Variants in ASIC2 observed in about 807,000 individuals in gnomAD.
ASIC2 encodes the protein acid sensing ion channel subunit 2.
Under a neutral mutation model 57.3 loss-of-function variants are expected in ASIC2, and 25 were observed. The observed-to-expected ratio is 0.44, with a 90% CI of 0.32 to 0.61. ASIC2 has a LOEUF of 0.61. Ranked by LOEUF, ASIC2 falls within the 20% of genes least tolerant of loss-of-function variation. ASIC2 has a pLI of 0.06. For synonymous variants in ASIC2, 319 were observed against 307.5 expected (o/e 1.04, Z -0.39); for missense variants, 641 against 738.1 (o/e 0.87, Z 1.52).
At chr17:33,390,185 C>T (rs960718105) in intron 1 of ASIC2, among the ~76,000 whole-genome samples, 92 of 152,044 alleles carry the variant, frequency 6.1e-4, no homozygotes, top group African/African-American at 1.9e-3. Context: ...TGGTGGCACA[C>T]GCCTGTAATC....
At chr17:34,021,250 A>T (rs533017758) in intron 1 of ASIC2, among the ~76,000 whole-genome samples, 12 of 151,740 alleles carry the variant, frequency 7.9e-5, no homozygotes, top group African/African-American at 2.9e-4. Flanking sequence ...AATAACAAAC[A>T]AATTAAAAAA....
chr17:33,214,382 C>T (rs1029706658), intron 1 of ASIC2, among the ~76,000 whole-genome samples: 14 of 152,188 alleles, frequency 9.2e-5, no homozygotes, highest in African/African-American at 2.4e-5. Flanking sequence ...GCCTCCTGGG[C>T]TGACTTCTAA....
intron 1 of ASIC2, among the ~76,000 whole-genome samples, chr17:33,163,869 G>A (rs1302901923): frequency 6.6e-6 from 1 of 152,154 alleles, no homozygotes; most frequent in Non-Finnish European, 1.5e-5. Flanking sequence ...TGAGAAGCCG[G>A]CATTTGAGTA....
intron 1 of ASIC2, chr17:33,291,194 C>T (rs1251593836): frequency 2.8e-6 from 3 of 1,060,696 alleles, no homozygotes; most frequent in Non-Finnish European, 3.8e-6. Context: ...GGAGCTCCCA[C>T]TGGTGGGAGG....
intron 1 of ASIC2, among the ~76,000 whole-genome samples, chr17:33,454,635 TG>T (rs1426642520): frequency 3.3e-5 from 5 of 152,236 alleles, no homozygotes; most frequent in Non-Finnish European, 7.3e-5. Flanking sequence ...ATATAGCAAT[TG>T]TCTCAGTCCA....
At chr17:33,506,637 G>A (rs1914272833) in intron 1 of ASIC2, among the ~76,000 whole-genome samples, 1 of 152,158 alleles carries the variant, frequency 6.6e-6, no homozygotes, top group South Asian at 2.1e-4. Context: ...GAAGAATCAG[G>A]CTTTTAGAAT....
intron 1 of ASIC2, chr17:34,071,465 G>C (rs996086688): frequency 2.6e-5 from 4 of 151,960 alleles, no homozygotes; most frequent in African/African-American, 4.8e-5. Context: ...CCGATGATCA[G>C]AGAAAAAAAT....
intron 1 of ASIC2, among the ~76,000 whole-genome samples, chr17:33,596,629 C>T (rs1196566346): frequency 5.3e-5 from 8 of 152,154 alleles, no homozygotes; most frequent in Non-Finnish European, 1.5e-5. Flanking sequence ...ACCCTCCCAA[C>T]CCCCAGGAGA....
chr17:33,958,243 G>A lies in ASIC2; in HGVS notation c.555+197735C>T, dbSNP rs571849694. 7.9e-5 allele frequency among the ~76,000 whole-genome samples: 12 copies of A among 152,232 alleles called. No individual in the cohort carries two copies. The South Asian group carries it at 2.1e-3, about 26-fold the overall frequency. ...GCACGATGCAAGCTGTAAGTGGATC[G>A]ACCATTCTGGAGGGGTCTGGGGTCT... On this transcript the variant is annotated intron_variant, in intron 1 of 9. Transcript: ENST00000359872.
At chr17:33,120,846 G>A (rs2092299638) in intron 1 of ASIC2, among the ~76,000 whole-genome samples, 1 of 152,186 alleles carries the variant, frequency 6.6e-6, no homozygotes, top group Non-Finnish European at 1.5e-5. Flanking sequence ...CTGGTAGCTG[G>A]TGTACAGAAG....
intron 1 of ASIC2, among the ~76,000 whole-genome samples, chr17:33,657,615 G>A (rs917272566): frequency 6.6e-6 from 1 of 152,058 alleles, no homozygotes; most frequent in East Asian, 1.9e-4. Context: ...TAAATGAGGT[G>A]CTTGGGGAAT....
rs568883370 is a variant in ASIC2 at position 33,524,255 on chromosome 17, A to G, written c.556-412188T>C. On this transcript the variant is annotated intron_variant, in intron 1 of 9. Transcript: ENST00000359872. ...CCGTTGTTGGGTTCCTTATATAGAG[A>G]CACTGTGCATAGAATCCCCTTTTTA... Among the ~76,000 whole-genome samples, 85 of 152,302 alleles carry G rather than the reference A, an allele frequency of 5.6e-4. 1 individual carries two copies. In the South Asian group the frequency reaches 0.017, roughly 30 times the overall value.
intron 3 of ASIC2, among the ~76,000 whole-genome samples, chr17:33,033,950 A>G (rs1043661646): frequency 6.6e-5 from 10 of 152,182 alleles, no homozygotes; most frequent in African/African-American, 2.4e-4. Context: ...GACCAGCTGC[A>G]GAGAGGAGTA....
intron 1 of ASIC2, among the ~76,000 whole-genome samples, chr17:33,464,465 T>A (rs1462169218): frequency 1.1e-5 from 1 of 87,698 alleles, no homozygotes; most frequent in Non-Finnish European, 2.2e-5. Context: ...TTCTCTTTCT[T>A]TCTTTCTTTC....
chr17:33,431,041 G>T (rs957673781), intron 1 of ASIC2, among the ~76,000 whole-genome samples: 2 of 152,120 alleles, frequency 1.3e-5, no homozygotes, highest in Admixed American at 6.5e-5. Flanking sequence ...GGGCAGCAAG[G>T]TATCTGACAG....
At chr17:33,457,421 G>A (rs956911098) in intron 1 of ASIC2, among the ~76,000 whole-genome samples, 1 of 152,074 alleles carries the variant, frequency 6.6e-6, no homozygotes, top group African/African-American at 2.4e-5. Flanking sequence ...TAATTGGGTG[G>A]CAAGCGACTA....
chr17:33,105,623 C>G (rs2092231684), intron 2 of ASIC2, among the ~76,000 whole-genome samples: 2 of 152,140 alleles, frequency 1.3e-5, no homozygotes, highest in African/African-American at 4.8e-5. Context: ...TTGGAGGGCT[C>G]AGAAGAAGAC....
intron 1 of ASIC2, among the ~76,000 whole-genome samples, chr17:33,274,056 G>A (rs1003603381): frequency 4.6e-5 from 7 of 152,196 alleles, no homozygotes; most frequent in Admixed American, 3.9e-4. Context: ...AGTGAGTTTG[G>A]AAGTGACATT....
intron 1 of ASIC2, among the ~76,000 whole-genome samples, chr17:33,824,347 C>A (rs2141895214): frequency 6.6e-6 from 1 of 152,174 alleles, no homozygotes; most frequent in Middle Eastern, 3.4e-3. Flanking sequence ...CTCCTGATGA[C>A]CATCTCAGAC....
Sources: allele counts gnomAD v4.1 joint callset (sites outside exome capture counted in the v4.1 genomes callset), GRCh38; gene constraint gnomAD v4.1.1; transcripts MANE v1.5; gene names NCBI Gene and HGNC (gene_info 2026-07-23, HGNC 2026-07-21).